The following KIRREL3 variants were observed in gnomAD, a reference collection of about 807,000 sequenced individuals.
The protein encoded by KIRREL3 is kirre like nephrin family adhesion molecule 3, also known as kin of IRRE-like protein 3.
KIRREL3 carries 36 observed loss-of-function variants against 89.7 expected under a neutral mutation model. That is an observed-to-expected ratio of 0.40 (90% confidence interval 0.31 to 0.53). KIRREL3 has a LOEUF of 0.53. KIRREL3 is among the 20% of genes least tolerant of loss of function. The pLI is 0.49. For missense variants in KIRREL3, 864 were observed against 1,056.6 expected (o/e 0.82, Z 2.53); for synonymous variants, 445 against 441.4 (o/e 1.01, Z -0.10).
chr11:126,767,492 G>A (rs1949861661), intron 1 of KIRREL3, among the ~76,000 whole-genome samples: 1 of 152,180 alleles, frequency 6.6e-6, no homozygotes, highest in African/African-American at 2.4e-5. Context: ...AAAGAGCCCT[G>A]AGTGTTAGTT....
chr11:126,821,355 A>ATATATATATATATATATATATATAGAT (rs1440926983), intron 1 of KIRREL3, among the ~76,000 whole-genome samples: 1 of 140,478 alleles, frequency 7.1e-6, no homozygotes, highest in East Asian at 2.1e-4. Context: ...ATATATATGT[A>ATATATATATATATATATATATATAGAT]ACTTCCAACC....
At position 126,655,629 on chromosome 11, in the gene KIRREL3, G is replaced by A. The variant is rs1184608251; in HGVS notation, c.56-92717C>T. On this transcript the variant is annotated intron_variant, in intron 1 of 16. Coordinates refer to ENST00000525144, the MANE Select transcript of KIRREL3 (RefSeq NM_032531.4). The surrounding 1 kb of genome is among the most constrained non-coding windows in gnomAD (Gnocchi z 5.0). ...GCAGATCTGCAGTTTTCACAACGCAGTTGTCATCTCGGGAGCAGTGTGTGC... is the reference window on the plus strand; with the variant it reads ...GCAGATCTGCAGTTTTCACAACGCAATTGTCATCTCGGGAGCAGTGTGTGC... Among the ~76,000 whole-genome samples, 1 of 152,216 alleles carries A rather than the reference G, an allele frequency of 6.6e-6. No homozygotes were observed. The highest frequency in any genetic ancestry group is 2.4e-5 in the African/African-American group (1 of 41,458).
At position 126,742,533 on chromosome 11, in the gene KIRREL3, G is replaced by C. The variant is rs1949016390; in HGVS notation, c.56-179621C>G. On this transcript the variant is annotated intron_variant, in intron 1 of 16. Transcript: ENST00000525144. This position sits in a 1 kb window ranked among gnomAD's most constrained non-coding sequence, Gnocchi z 5.3. Reference sequence around the variant, plus strand: ...ACAACATGGATCTCAGAACTGGAAAGAACAAGAGATTTTCCCATAAAGCTC... The same window carrying C: ...ACAACATGGATCTCAGAACTGGAAACAACAAGAGATTTTCCCATAAAGCTC... 6.6e-6 allele frequency among the ~76,000 whole-genome samples: 1 copy of C among 152,172 alleles called. No individual in the cohort carries two copies. The highest frequency in any genetic ancestry group is 2.1e-4 in the South Asian group (1 of 4,822).
chr11:126,722,380 C>T (rs1948209749), intron 1 of KIRREL3, among the ~76,000 whole-genome samples: 1 of 152,220 alleles, frequency 6.6e-6, no homozygotes, highest in Non-Finnish European at 1.5e-5. Flanking sequence ...AGCTCTTTCT[C>T]CAACATTTCT....
At chr11:126,452,444 G>T (rs553969267) in intron 7 of KIRREL3, among the ~76,000 whole-genome samples, 9 of 152,382 alleles carry the variant, frequency 5.9e-5, no homozygotes, top group African/African-American at 1.9e-4. Context: ...GTGAGGCCAA[G>T]CGGGCAGCTG....
intron 1 of KIRREL3, among the ~76,000 whole-genome samples, chr11:126,964,181 C>T (rs1026633330): frequency 6.6e-5 from 10 of 152,180 alleles, no homozygotes; most frequent in Non-Finnish European, 1.5e-4. Flanking sequence ...TATTGAATGA[C>T]TAAATCTGTA....
chr11:126,956,890 G>A (rs533120946), intron 1 of KIRREL3, among the ~76,000 whole-genome samples: 3 of 152,152 alleles, frequency 2.0e-5, no homozygotes, highest in Non-Finnish European at 4.4e-5. Flanking sequence ...GTCACCCTTG[G>A]TGACACAGAG....
Position 126,656,806 on chromosome 11 carries a change from C to T in KIRREL3, c.56-93894G>A, listed in dbSNP as rs1307595075. Among the ~76,000 whole-genome samples the T allele has an allele frequency of 6.6e-6, 1 of 152,190 alleles. No homozygotes were observed. The highest frequency in any genetic ancestry group is 1.5e-5 in the Non-Finnish European group (1 of 68,036). Reference sequence around the variant, plus strand: ...GTGGCTCATGCCTGTGGTCCCAGCACTTTGGGAGGCCAAGGTGTGTGCATC... The same window carrying T: ...GTGGCTCATGCCTGTGGTCCCAGCATTTTGGGAGGCCAAGGTGTGTGCATC... On this transcript the variant is annotated intron_variant, in intron 1 of 16. Coordinates refer to ENST00000525144, the MANE Select transcript of KIRREL3 (RefSeq NM_032531.4). This position sits in a 1 kb window ranked among gnomAD's most constrained non-coding sequence, Gnocchi z 4.0.
At chr11:126,502,534 C>T (rs1013479167) in intron 4 of KIRREL3, among the ~76,000 whole-genome samples, 1 of 152,210 alleles carries the variant, frequency 6.6e-6, no homozygotes, top group African/African-American at 2.4e-5. Flanking sequence ...ATTTTTAAGA[C>T]CAGCAGCTGG....
rs181955830 is a variant in KIRREL3 at position 126,948,108 on chromosome 11, G to T, written c.55+52347C>A. ...ACATATTATTGGATGTTAAACTACC[G>T]TGTAATTGATTTTCTATCCATTGCC... is the stretch of plus-strand genomic sequence containing the variant. On this transcript the variant is annotated intron_variant, in intron 1 of 16. Coordinates refer to ENST00000525144, the MANE Select transcript of KIRREL3 (RefSeq NM_032531.4). This position sits in a 1 kb window ranked among gnomAD's most constrained non-coding sequence, Gnocchi z 4.5. 8.8e-4 allele frequency among the ~76,000 whole-genome samples: 134 copies of T among 152,252 alleles called. 1 individual carries two copies. The highest frequency in any genetic ancestry group is 3.1e-3 in the African/African-American group (130 of 41,552).
At position 126,954,778 on chromosome 11, in the gene KIRREL3, GAACAACTTTAT is replaced by G. The variant is rs1249035687; in HGVS notation, c.55+45666_55+45676del. On this transcript the variant is annotated intron_variant, in intron 1 of 16. Coordinates refer to ENST00000525144, the MANE Select transcript of KIRREL3 (RefSeq NM_032531.4). The surrounding 1 kb of genome is among the most constrained non-coding windows in gnomAD (Gnocchi z 4.1). ...CCTGTAGATGGCCTGGCTTACCCTT[GAACAACTTTAT>G]CAGAAAGTTTTTTCTCATAGAAGGC... Among the ~76,000 whole-genome samples the G allele has an allele frequency of 6.6e-6, 1 of 152,154 alleles. No homozygotes were observed. The highest frequency in any genetic ancestry group is 6.5e-5 in the Admixed American group (1 of 15,276).
At chr11:126,586,962 A>G (rs1461357884) in intron 1 of KIRREL3, among the ~76,000 whole-genome samples, 1 of 152,194 alleles carries the variant, frequency 6.6e-6, no homozygotes, top group Admixed American at 6.5e-5. Flanking sequence ...TGGTGAATTC[A>G]GCCAATAAAC....
chr11:126,585,124 T>C (rs757577524), intron 1 of KIRREL3, among the ~76,000 whole-genome samples: 2 of 151,354 alleles, frequency 1.3e-5, no homozygotes, highest in Non-Finnish European at 2.9e-5. Flanking sequence ...TTTCATCTTG[T>C]TAGCCAGGAT....
In KIRREL3 at chr11:126,489,102, A is replaced by C. The variant is rs1337000554; in HGVS notation, c.434-15636T>G. ...CATCTGGAGCGCAGCAGTCAGTCTC[A>C]TCCTGGGGTGCATCCCAGGGCTCAG... On this transcript the variant is annotated intron_variant, in intron 4 of 16. Transcript: ENST00000525144. This position sits in a 1 kb window ranked among gnomAD's most constrained non-coding sequence, Gnocchi z 5.5. 6.6e-6 allele frequency among the ~76,000 whole-genome samples: 1 copy of C among 152,186 alleles called. No individual in the cohort carries two copies. Among genetic ancestry groups the C allele is most frequent in the Non-Finnish European group, 1.5e-5 (1 of 68,034 alleles).
chr11:126,534,586 A>T (rs1279523474), intron 2 of KIRREL3, among the ~76,000 whole-genome samples: 3 of 152,268 alleles, frequency 2.0e-5, no homozygotes, highest in African/African-American at 7.2e-5. Flanking sequence ...GCTTGCCCCC[A>T]GCCTGTGCGT....
intron 1 of KIRREL3, among the ~76,000 whole-genome samples, chr11:126,975,456 G>T (rs559528456): frequency 1.3e-4 from 20 of 152,272 alleles, no homozygotes; most frequent in African/African-American, 4.3e-4. Context: ...CCTACTGTGT[G>T]CCAGAACCAT....
chr11:126,610,214 C>A lies in KIRREL3; in HGVS notation c.56-47302G>T, dbSNP rs1168633636. Among the ~76,000 whole-genome samples, 2 of 152,154 alleles carry A rather than the reference C, an allele frequency of 1.3e-5. No individual in the cohort carries two copies. The highest frequency in any genetic ancestry group is 2.9e-5 in the Non-Finnish European group (2 of 68,042). On this transcript the variant is annotated intron_variant, in intron 1 of 16. Coordinates refer to ENST00000525144, the MANE Select transcript of KIRREL3 (RefSeq NM_032531.4). This position sits in a 1 kb window ranked among gnomAD's most constrained non-coding sequence, Gnocchi z 4.6. ...CAAGCGATTCTCCTGCCTCAGCCTG[C>A]CGAGTGGCTGGGATTACAGGCATGC...
intron 3 of KIRREL3, among the ~76,000 whole-genome samples, chr11:126,524,038 CTT>C (rs1958674315): frequency 1.3e-5 from 2 of 152,204 alleles, no homozygotes; most frequent in Non-Finnish European, 2.9e-5. Context: ...ATTACTCTCT[CTT>C]GCTACTCCCA....
At chr11:126,949,696 G>A (rs1948722549) in intron 1 of KIRREL3, among the ~76,000 whole-genome samples, 1 of 152,210 alleles carries the variant, frequency 6.6e-6, no homozygotes, top group Non-Finnish European at 1.5e-5. Flanking sequence ...TGGGAAGCCT[G>A]CTGTATCTAG....
Sources: gnomAD v4.1 joint callset for allele counts (sites outside exome capture counted in the v4.1 genomes callset) on GRCh38, gnomAD v4.1.1 for gene constraint, Gnocchi (gnomAD v3.1) non-coding constraint, MANE v1.5 for transcripts, NCBI Gene and HGNC (gene_info 2026-07-23, HGNC 2026-07-21) for gene names.